Variants in SIRT4 observed in about 807,000 individuals in gnomAD.
SIRT4 encodes sirtuin 4, also known as NAD-dependent protein lipoamidase sirtuin-4, mitochondrial.
A neutral mutation model predicts 26.1 loss-of-function variants in SIRT4; 23 were observed. The ratio of observed to expected loss-of-function variants is 0.88; its 90% CI spans 0.63 to 1.25. SIRT4 has a LOEUF of 1.25. Among genes scored for constraint, SIRT4 ranks in the 50% most tolerant of loss-of-function variants. The pLI, the probability that SIRT4 is intolerant of heterozygous loss-of-function variation, is 0.00. For synonymous variants in SIRT4, 155 were observed against 158.4 expected, an observed-to-expected ratio of 0.98 and a Z score of 0.16; for missense variants, 361 against 405.4, an observed-to-expected ratio of 0.89 and a Z score of 0.94.
Position 120,304,835 on chromosome 12 carries a change from ATTTTTTTTTT to A in SIRT4, c.497+792_497+801del, listed in dbSNP as rs1169655844. 2.7e-3 allele frequency among the ~76,000 whole-genome samples: 66 copies of A among 24,848 alleles called. 1 individual carries two copies. The highest frequency in any genetic ancestry group is 0.048 in the Middle Eastern group (2 of 42). The allele number at this position is 24,848 out of a possible 152,430, so 16.3% of individuals were successfully genotyped here. Reference sequence around the variant, plus strand: ...TATATATATATATATATATATATATATTTTTTTTTTTTTTTTTTTTTTTTAAAGAAAGTTG... The same window carrying A: ...TATATATATATATATATATATATATATTTTTTTTTTTTTTAAAGAAAGTTG... On this transcript the variant is annotated intron_variant, in intron 2 of 3. Transcript: ENST00000202967.
At chr12:120,297,202 G>A in the SIRT4 span, among the ~76,000 whole-genome samples, 1 of 151,538 alleles carries the variant, frequency 6.6e-6, no homozygotes, top group Non-Finnish European at 1.5e-5. Flanking sequence ...CAGCCTGGGC[G>A]ATAGAGCGAG....
chr12:120,303,850 C>T lies in SIRT4; in HGVS notation c.289C>T (p.Arg97Trp), dbSNP rs201166468. Reference sequence around the variant, plus strand: ...GCCCATCCAGCATGGTGATTTTGTCCGGAGTGCCCCAATCCGCCAGCGGTA... The same window carrying T: ...GCCCATCCAGCATGGTGATTTTGTCTGGAGTGCCCCAATCCGCCAGCGGTA... ...RRPIQHGDFVRSAPIRQRYWA... is the reference protein window; with the variant it reads ...RRPIQHGDFVWSAPIRQRYWA... Residue 97 changes from arginine (R) to tryptophan (W), a missense_variant, in exon 2 of 4, where the codon CGG (arginine) becomes TGG (tryptophan). Transcript: ENST00000202967. 116 of 1,614,006 alleles carry T rather than the reference C, an allele frequency of 7.2e-5. No homozygotes were observed. The highest frequency in any genetic ancestry group is 1.6e-4 in the Middle Eastern group (1 of 6,084).
chr12:120,309,135 T>C (rs911855162), intron 2 of SIRT4, among the ~76,000 whole-genome samples: 3 of 152,070 alleles, frequency 2.0e-5, no homozygotes, highest in Non-Finnish European at 4.4e-5. Context: ...GCCAAGACTG[T>C]TGTGCCATTG....
the SIRT4 span, among the ~76,000 whole-genome samples, chr12:120,293,973 G>A: frequency 7.6e-5 from 11 of 145,684 alleles, no homozygotes; most frequent in African/African-American, 2.8e-4. Context: ...TTAATTTTAT[G>A]GCTGAATAAT....
chr12:120,294,702 C>G, the SIRT4 span, among the ~76,000 whole-genome samples: 1 of 151,302 alleles, frequency 6.6e-6, no homozygotes, highest in South Asian at 2.1e-4. Flanking sequence ...ATTTTTCGTA[C>G]AGACAGGATC....
chr12:120,306,834 G>A (rs906384316), intron 2 of SIRT4, among the ~76,000 whole-genome samples: 5 of 152,058 alleles, frequency 3.3e-5, no homozygotes, highest in Non-Finnish European at 4.4e-5. Flanking sequence ...GAAACTGTTC[G>A]AACGTGGCCT....
intron 2 of SIRT4, among the ~76,000 whole-genome samples, chr12:120,307,358 G>A (rs879587203): frequency 2.6e-5 from 4 of 152,012 alleles, no homozygotes; most frequent in Admixed American, 6.6e-5. Context: ...GCGTGGTGGC[G>A]GGCGCCTATA....
chr12:120,303,522 A>C (rs574443973), intron 1 of SIRT4, 39 bp from the exon 2 acceptor site: 19 of 1,540,606 alleles, frequency 1.2e-5, no homozygotes, highest in East Asian at 4.5e-5. Flanking sequence ...AAAAAAAAAA[A>C]CCACCCCAGT....
chr12:120,306,406 C>T lies in SIRT4; in HGVS notation c.497+2348C>T, dbSNP rs753050317. Reference sequence around the variant, plus strand: ...AGGAGAATAGCTTGAACCCAAGAGGCGGAGGTTGCGGTGAGCCGAGATTGT... The same window carrying T: ...AGGAGAATAGCTTGAACCCAAGAGGTGGAGGTTGCGGTGAGCCGAGATTGT... On this transcript the variant is annotated intron_variant, in intron 2 of 3. Coordinates refer to ENST00000202967, the MANE Select transcript of SIRT4 (RefSeq NM_012240.3). Among the ~76,000 whole-genome samples, 131 of 151,442 alleles carry T rather than the reference C, an allele frequency of 8.7e-4. 1 individual carries two copies. Among genetic ancestry groups the T allele is most frequent in the Admixed American group, 2.6e-3 (39 of 15,172 alleles).
chr12:120,300,128 A>T (rs1281522512), upstream of SIRT4, among the ~76,000 whole-genome samples: 2 of 152,026 alleles, frequency 1.3e-5, no homozygotes, highest in African/African-American at 4.8e-5. Context: ...CGACAAAAAT[A>T]AAAAATAACA....
At chr12:120,298,351 G>A (rs541831463), upstream of SIRT4, among the ~76,000 whole-genome samples, 7 of 152,190 alleles carry the variant, frequency 4.6e-5, no homozygotes, top group Admixed American at 1.3e-4. Flanking sequence ...GCTCACGCCC[G>A]TAATCACAAC....
chr12:120,303,593 C>T lies in SIRT4; in HGVS notation c.32C>T (p.Ser11Leu). The T allele has an allele frequency of 1.2e-6, 2 of 1,613,588 alleles. No homozygotes were observed. The change falls in exon 2 of 4, where the codon TCA becomes TTA. Residue 11 changes from serine to leucine, a missense_variant. By Grantham distance (145) the Ser-to-Leu change is moderately radical. Coordinates refer to ENST00000202967, the MANE Select transcript of SIRT4 (RefSeq NM_012240.3). ...ATGAGCTTTGCGTTGACTTTCAGGT[C>T]AGCAAAAGGCCGTTGGATCGCAAAC... MKMSFALTFR[S>L]AKGRWIANPS... is the part of the protein sequence containing the mutation.
At chr12:120,307,788 G>A (rs1449744802) in intron 2 of SIRT4, among the ~76,000 whole-genome samples, 2 of 151,920 alleles carry the variant, frequency 1.3e-5, no homozygotes, top group Non-Finnish European at 2.9e-5. Context: ...AACCCGGGAG[G>A]CAGAGGTTGT....
chr12:120,306,813 CAAAA>C (rs1197918122), intron 2 of SIRT4, among the ~76,000 whole-genome samples: 1 of 151,948 alleles, frequency 6.6e-6, no homozygotes, highest in Non-Finnish European at 1.5e-5. Context: ...AATAAAAAAA[CAAAA>C]AGAAAGGAAA....
At chr12:120,295,233 A>C in the SIRT4 span, among the ~76,000 whole-genome samples, 1 of 92,466 alleles carries the variant, frequency 1.1e-5, no homozygotes, top group African/African-American at 4.1e-5. Context: ...TTTTTTTTTG[A>C]GACTGAGTTT....
intron 1 of SIRT4, 142 bp from the exon 2 acceptor site, chr12:120,303,419 G>A: frequency 1.1e-6 from 1 of 940,020 alleles, no homozygotes. Flanking sequence ...CGGTTACAGT[G>A]AGCCAAGATC....
chr12:120,295,419 A>AATTTT, the SIRT4 span, among the ~76,000 whole-genome samples: 7 of 81,342 alleles, frequency 8.6e-5, 2 homozygotes, highest in Non-Finnish European at 1.3e-4. Context: ...TATATAGATA[A>AATTTT]TTTTTTTTTT....
chr12:120,298,492 T>G (rs992367513), upstream of SIRT4, among the ~76,000 whole-genome samples: 1 of 151,574 alleles, frequency 6.6e-6, no homozygotes, highest in African/African-American at 2.4e-5. Flanking sequence ...CTCAGGAGGC[T>G]GAGGTGGGAG....
chr12:120,293,582 T>C, the SIRT4 span, among the ~76,000 whole-genome samples: 37 of 152,190 alleles, frequency 2.4e-4, no homozygotes, highest in Non-Finnish European at 4.7e-4. Flanking sequence ...TATTGTTTTG[T>C]CTTTTTTCTT....
Sources: allele counts gnomAD v4.1 joint callset (sites outside exome capture counted in the v4.1 genomes callset), GRCh38; gene constraint gnomAD v4.1.1; transcripts MANE v1.5; gene names NCBI Gene and HGNC (gene_info 2026-07-23, HGNC 2026-07-21).